POLDIP3: variants seen among roughly 807,000 people sequenced by gnomAD.
POLDIP3 encodes the protein DNA polymerase delta interacting protein 3.
POLDIP3 carries 14 observed loss-of-function variants against 45.1 expected under a neutral mutation model. That is an observed-to-expected ratio of 0.31 (90% confidence interval 0.20 to 0.49). The LOEUF is 0.49. Among genes scored for constraint, POLDIP3 ranks in the 20% least tolerant of loss-of-function variants. The probability of loss-of-function intolerance (pLI) is 0.99; values close to 1 mark genes in which losing one functional copy is unlikely to be tolerated. For synonymous variants in POLDIP3, 223 were observed against 205.2 expected, an observed-to-expected ratio of 1.09 and a Z score of -0.74; for missense variants, 511 against 538.8, an observed-to-expected ratio of 0.95 and a Z score of 0.51.
chr22:42,597,724 G>A (rs943785303), intron 4 of POLDIP3: 3 of 470,776 alleles, frequency 6.4e-6, no homozygotes, highest in Non-Finnish European at 1.3e-5. Flanking sequence ...CTAATTACTG[G>A]AAAGGCCTGG....
At chr22:42,603,290 T>C (rs529996264) in intron 1 of POLDIP3, 130 bp from the exon 2 acceptor site, 46 of 925,238 alleles carry the variant, frequency 5.0e-5, no homozygotes, top group South Asian at 1.0e-4. Context: ...TTGCCTGTGA[T>C]TGAATAAACG....
At chr22:42,602,601 G>C (rs1339313493) in intron 2 of POLDIP3, among the ~76,000 whole-genome samples, 169 bp downstream of exon 2, 1 of 151,648 alleles carries the variant, frequency 6.6e-6, no homozygotes, top group Non-Finnish European at 1.5e-5. Flanking sequence ...TTCCTTCCTT[G>C]TATAGTTCCT....
Position 42,602,012 on chromosome 22 carries a change from G to A in POLDIP3, c.495C>T (p.Ala165=), listed in dbSNP as rs771898162. ...KAMAPLHPHP[A]GMRINVVNNH... ...TATTGACAACATTGATTCTCATTCCGGCAGGATGGGGATGAAGTGGTGCCA... is the reference window on the plus strand; with the variant it reads ...TATTGACAACATTGATTCTCATTCCAGCAGGATGGGGATGAAGTGGTGCCA... Residue 165 remains alanine, a synonymous_variant, in exon 3 of 9, where the codon GCC becomes GCT. Transcript: ENST00000252115. The A allele has an allele frequency of 9.3e-6, 15 of 1,613,900 alleles. No individual in the cohort carries two copies. Among genetic ancestry groups the A allele is most frequent in the East Asian group, 6.7e-5 (3 of 44,894 alleles).
chr22:42,598,391 C>T (rs1926133606), intron 4 of POLDIP3, among the ~76,000 whole-genome samples: 1 of 151,832 alleles, frequency 6.6e-6, no homozygotes, highest in African/African-American at 2.4e-5. Context: ...GCTGGGACTA[C>T]AGGCGCACAC....
At position 42,595,522 on chromosome 22, in the gene POLDIP3, G is replaced by T; in HGVS notation, c.891+15C>A. 1.9e-6 allele frequency: 3 copies of T among 1,610,430 alleles called. No homozygotes were observed. The highest frequency in any genetic ancestry group is 2.2e-5 in the South Asian group (2 of 90,994). On this transcript the variant is annotated intron_variant, in intron 6 of 8. Coordinates refer to ENST00000252115, the MANE Select transcript of POLDIP3 (RefSeq NM_032311.5). ...CAGTTTGAGATTTAAATGTTTGGTA[G>T]GTCACAGTACTTACAACAATGTCCT...
intron 8 of POLDIP3, among the ~76,000 whole-genome samples, chr22:42,586,408 G>T (rs1485956389): frequency 6.6e-6 from 1 of 152,042 alleles, no homozygotes; most frequent in Non-Finnish European, 1.5e-5. Context: ...TGGCTCACTA[G>T]TCTCGATCTT....
intron 1 of POLDIP3, among the ~76,000 whole-genome samples, chr22:42,607,035 C>T (rs1036201953): frequency 1.3e-4 from 20 of 152,342 alleles, no homozygotes; most frequent in African/African-American, 4.3e-4. Flanking sequence ...GAGGCCAAGG[C>T]GGGCAGATCG....
intron 4 of POLDIP3, 85 bp from the exon 5 acceptor site, chr22:42,596,450 G>A: frequency 7.5e-7 from 1 of 1,336,414 alleles, no homozygotes; most frequent in Non-Finnish European, 1.0e-6. Flanking sequence ...CTTGCTGAGA[G>A]CATGAACCCT....
intron 1 of POLDIP3, among the ~76,000 whole-genome samples, chr22:42,608,908 G>C (rs1926944791): frequency 2.0e-5 from 3 of 152,190 alleles, no homozygotes; most frequent in Admixed American, 2.0e-4. Context: ...CTTCTTTCGT[G>C]AACAGCTTGA....
rs772517217 is a variant in POLDIP3, at chr22:42,598,575, G to A, written c.633+1123C>T. ...CTTTTTTGTATTTTTTAGTAGAGAC[G>A]TGGTTTCACCGTGCTAGCCAGGATG... On this transcript the variant is annotated intron_variant, in intron 4 of 8. Transcript: ENST00000252115. 3.9e-5 allele frequency among the ~76,000 whole-genome samples: 6 copies of A among 151,992 alleles called. 1 individual carries two copies. Among genetic ancestry groups the A allele is most frequent in the East Asian group, 3.9e-4 (2 of 5,178 alleles).
intron 6 of POLDIP3, among the ~76,000 whole-genome samples, chr22:42,593,977 C>G (rs951847992): frequency 6.6e-6 from 1 of 152,148 alleles, no homozygotes; most frequent in South Asian, 2.1e-4. Context: ...AAGATTTAAC[C>G]TCAGCTGGGC....
Position 42,584,759 on chromosome 22 carries a change from CA to C in POLDIP3, c.*1031del, listed in dbSNP as rs1292725725. The C allele has an allele frequency of 1.8e-5, 7 of 379,266 alleles. No homozygotes were observed. Among genetic ancestry groups the C allele is most frequent in the African/African-American group, 1.5e-4 (7 of 47,344 alleles). The allele number at this position is 379,266 out of a possible 1,614,324, so 23.5% of individuals were successfully genotyped here. A position where few individuals can be genotyped will look rare whatever the true frequency, so the allele number is the denominator to read the frequency against. On this transcript the variant is annotated 3_prime_UTR_variant, in exon 9 of 9. Transcript: ENST00000252115. ...GGTCATGGATGGATGGGGTCACTCA[CA>C]TAAGTGGGAACAAACAGTGCCCCTT...
At chr22:42,594,406 G>C (rs1399770407) in intron 6 of POLDIP3, among the ~76,000 whole-genome samples, 1 of 152,354 alleles carries the variant, frequency 6.6e-6, no homozygotes, top group East Asian at 1.9e-4. Context: ...AGCTACTCGG[G>C]AGGCTGAGGC....
intron 1 of POLDIP3, among the ~76,000 whole-genome samples, chr22:42,608,031 T>C (rs901898395): frequency 1.3e-5 from 2 of 151,970 alleles, no homozygotes; most frequent in Non-Finnish European, 2.9e-5. Context: ...GGAGCCCCTC[T>C]GCCCGGCCGC....
In POLDIP3 at chr22:42,585,422, C is replaced by T; in HGVS notation, c.*369G>A. The T allele has an allele frequency of 2.7e-6, 1 of 365,148 alleles. No homozygotes were observed. Among genetic ancestry groups the T allele is most frequent in the Non-Finnish European group, 5.4e-6 (1 of 185,022 alleles). The allele number at this position is 365,148 out of a possible 1,614,324, so 22.6% of individuals were successfully genotyped here. A position where few individuals can be genotyped will look rare whatever the true frequency, so the allele number is the denominator to read the frequency against. On this transcript the variant is annotated 3_prime_UTR_variant, in exon 9 of 9. Transcript: ENST00000252115. ...CTCGGCCCCTGGAAAAAGCAGGGTC[C>T]TTCAGACAGCCCCCACGCTGCATCC...
intron 1 of POLDIP3, among the ~76,000 whole-genome samples, chr22:42,610,184 TAAATA>T (rs1167758118): frequency 6.6e-6 from 1 of 151,970 alleles, no homozygotes; most frequent in Non-Finnish European, 1.5e-5. Context: ...CAAAAATAAA[TAAATA>T]AAATAAAATA....
At chr22:42,607,123 C>T (rs1255403720) in intron 1 of POLDIP3, among the ~76,000 whole-genome samples, 1 of 152,160 alleles carries the variant, frequency 6.6e-6, no homozygotes, top group Non-Finnish European at 1.5e-5. Context: ...AAAAAATTCC[C>T]TCCCCCTCCC....
At position 42,585,437 on chromosome 22, in the gene POLDIP3, A is replaced by G. The variant is rs755284657; in HGVS notation, c.*354T>C. On this transcript the variant is annotated 3_prime_UTR_variant, in exon 9 of 9. Transcript: ENST00000252115. The stretch of plus-strand genomic sequence containing the variant: ...AAGCAGGGTCCTTCAGACAGCCCCC[A>G]CGCTGCATCCCATGGGGCCACAAGA... The G allele has an allele frequency of 5.5e-6, 2 of 360,492 alleles. No homozygotes were observed. Among genetic ancestry groups the G allele is most frequent in the Non-Finnish European group, 1.1e-5 (2 of 184,430 alleles). 22.3% of individuals were successfully genotyped at this position (360,492 alleles called of 1,614,324 possible).
At chr22:42,592,438 G>A (rs1272661402) in intron 6 of POLDIP3, among the ~76,000 whole-genome samples, 1 of 152,222 alleles carries the variant, frequency 6.6e-6, no homozygotes, top group Admixed American at 6.5e-5. Flanking sequence ...AAGAAAGACA[G>A]CTGCTAATAT....
Sources: allele counts gnomAD v4.1 joint callset (sites outside exome capture counted in the v4.1 genomes callset), GRCh38; gene constraint gnomAD v4.1.1; transcripts MANE v1.5; gene names NCBI Gene and HGNC (gene_info 2026-07-23, HGNC 2026-07-21).